The following MCF2 variants were observed in gnomAD, a reference collection of about 807,000 sequenced individuals.
MCF2 encodes the protein proto-oncogene DBL.
MCF2 carries 44 observed loss-of-function variants against 82.5 expected under a neutral mutation model. The observed-to-expected ratio is 0.53, with a 90% CI of 0.42 to 0.69. The LOEUF (loss-of-function observed/expected upper bound fraction) is 0.69, where lower values mean the gene tolerates loss of function less well. Ranked by LOEUF, MCF2 falls within the 30% of genes least tolerant of loss-of-function variation. The pLI is 0.00. For synonymous variants in MCF2, 217 were observed against 224.9 expected (o/e 0.96, Z 0.32); for missense variants, 623 against 663.1 (o/e 0.94, Z 0.66).
chrX:139,610,674 T>G (rs2148447437), intron 10 of MCF2, among the ~76,000 whole-genome samples: 1 of 112,377 alleles, frequency 8.9e-6, no homozygotes, highest in East Asian at 2.8e-4. Context: ...TGTAGCTCAT[T>G]GATTAACTCA....
intron 10 of MCF2, among the ~76,000 whole-genome samples, chrX:139,613,743 T>C (rs1931676482): frequency 1.8e-5 from 2 of 111,390 alleles, no homozygotes; most frequent in East Asian, 2.8e-4. Context: ...CCCCTTACTG[T>C]TTTTTATTTT....
At chrX:139,684,581 G>A (rs1935077430) in intron 1 of MCF2, among the ~76,000 whole-genome samples, 1 of 112,266 alleles carries the variant, frequency 8.9e-6, no homozygotes, top group Non-Finnish European at 1.9e-5. Context: ...CCACACAAAT[G>A]CCTATCATTT....
At chrX:139,647,828 C>A (rs1933854622), upstream of MCF2, among the ~76,000 whole-genome samples, 1 of 111,759 alleles carries the variant, frequency 8.9e-6, no homozygotes, top group African/African-American at 3.3e-5. Flanking sequence ...CAGAGATGAG[C>A]CTTACATGTG....
intron 13 of MCF2, among the ~76,000 whole-genome samples, chrX:139,605,453 T>C (rs547465960): frequency 1.2e-4 from 13 of 111,712 alleles, no homozygotes; most frequent in African/African-American, 4.2e-4. Flanking sequence ...GGAATAATTG[T>C]AACAATCGGC....
intron 1 of MCF2, among the ~76,000 whole-genome samples, chrX:139,693,445 G>T (rs780104943): frequency 8.4e-5 from 9 of 106,729 alleles, no homozygotes; most frequent in Non-Finnish European, 1.7e-4. Context: ...AGGAAAGTGG[G>T]GATAGGCAAG....
chrX:139,659,454 T>C (rs1934297031), intron 1 of MCF2, among the ~76,000 whole-genome samples: 1 of 111,873 alleles, frequency 8.9e-6, no homozygotes, highest in Non-Finnish European at 1.9e-5. Flanking sequence ...TTGGTATCTA[T>C]AAGCTTTCCC....
intron 4 of MCF2, among the ~76,000 whole-genome samples, chrX:139,628,197 A>T (rs12832944): frequency 8.9e-6 from 1 of 111,970 alleles, no homozygotes; most frequent in African/African-American, 3.2e-5. Context: ...AGCACTATTC[A>T]CAACAGCAGA....
chrX:139,617,850 C>CAA (rs36071186), intron 7 of MCF2, 146 bp from the exon 11 acceptor site: 4,831 of 236,175 alleles, frequency 0.02, 4 homozygotes, highest in Middle Eastern at 0.043. Flanking sequence ...CTTCAGGCTG[C>CAA]AAAAAAAAAA....
chrX:139,662,420 G>A (rs1298648058), intron 1 of MCF2, among the ~76,000 whole-genome samples: 1 of 110,505 alleles, frequency 9.0e-6, no homozygotes, highest in Admixed American at 9.6e-5. Flanking sequence ...CGAAACAAAA[G>A]GACAAAGTTA....
intron 11 of MCF2, 34 bp from the exon 16 acceptor site, chrX:139,607,813 C>T (rs190834587): frequency 3.1e-6 from 3 of 965,100 alleles, no homozygotes; most frequent in Admixed American, 4.8e-5. Context: ...AAATTAGCAC[C>T]TCTGTAGGTA....
intron 1 of MCF2, among the ~76,000 whole-genome samples, chrX:139,686,582 C>T (rs188243066): frequency 2.7e-5 from 3 of 110,921 alleles, no homozygotes; most frequent in Admixed American, 9.6e-5. Context: ...AATTTTTCCC[C>T]GTAAACCTAC....
chrX:139,641,171 TATATATATATAA>T (rs977774572), intron 1 of MCF2, among the ~76,000 whole-genome samples: 5 of 105,833 alleles, frequency 4.7e-5, no homozygotes, highest in South Asian at 7.7e-4. Flanking sequence ...ACTGAGAATA[TATATATATATAA>T]ATATATATAT....
In MCF2 at chrX:139,673,953, G is replaced by C. The variant is rs1178295511; in HGVS notation, c.-44-22165C>G. On this transcript the variant is annotated intron_variant, in intron 1 of 27. Transcript: ENST00000414978. The stretch of plus-strand genomic sequence containing the variant: ...CCATTATTATTGTGTGGGAATCTAA[G>C]TGTCTTTGTAGGTCTCTAAGGACTT... Among the ~76,000 whole-genome samples, 3 of 111,549 alleles carry C rather than the reference G, an allele frequency of 2.7e-5. No individual in the cohort carries two copies. The East Asian group carries it at 8.5e-4, about 32-fold the overall frequency.
At chrX:139,705,313 AAAAC>A (rs950605942) in intron 1 of MCF2, among the ~76,000 whole-genome samples, 1 of 112,027 alleles carries the variant, frequency 8.9e-6, no homozygotes, top group East Asian at 2.8e-4. Flanking sequence ...CTCAGTCTCA[AAAAC>A]AAACAAACAA....
intron 1 of MCF2, among the ~76,000 whole-genome samples, chrX:139,682,003 A>C (rs1692420506): frequency 8.9e-6 from 1 of 112,140 alleles, no homozygotes; most frequent in Admixed American, 9.5e-5. Flanking sequence ...AAGAGGAAAT[A>C]AAAGATACTT....
chrX:139,659,635 C>T (rs1262705857), intron 1 of MCF2, among the ~76,000 whole-genome samples: 3 of 111,759 alleles, frequency 2.7e-5, no homozygotes, highest in Non-Finnish European at 5.6e-5. Context: ...GCTGCACACA[C>T]GTGCCATGTC....
chrX:139,639,091 G>T (rs758976795), intron 1 of MCF2, among the ~76,000 whole-genome samples: 1 of 111,105 alleles, frequency 9.0e-6, no homozygotes, highest in African/African-American at 3.3e-5. Flanking sequence ...TCCCATTTTG[G>T]TTTGGGAATA....
At chrX:139,674,247 C>T (rs1934795795) in intron 1 of MCF2, among the ~76,000 whole-genome samples, 1 of 111,598 alleles carries the variant, frequency 9.0e-6, no homozygotes, top group Admixed American at 9.5e-5. Flanking sequence ...CTGAATACAG[C>T]ACACCAATGG....
exon 1 of MCF2, chrX:139,642,729 C>T: frequency 9.3e-7 from 1 of 1,071,387 alleles, no homozygotes; most frequent in Non-Finnish European, 1.2e-6. Flanking sequence ...CTGACAGATC[C>T]TTCCCTTCTG....
Sources: allele counts gnomAD v4.1 joint callset (sites outside exome capture counted in the v4.1 genomes callset), GRCh38; gene constraint gnomAD v4.1.1; transcripts MANE v1.5; gene names NCBI Gene and HGNC (gene_info 2026-07-23, HGNC 2026-07-21).